Variants in AGBL4 observed in about 807,000 individuals in gnomAD.
AGBL4 encodes AGBL carboxypeptidase 4.
In AGBL4, 58 loss-of-function variants were observed where a neutral mutation model predicts 66.4. The observed-to-expected ratio is 0.87, with a 90% CI of 0.71 to 1.09. The LOEUF (loss-of-function observed/expected upper bound fraction) is 1.09, where lower values mean the gene tolerates loss of function less well. Among genes scored for constraint, AGBL4 ranks in the 50% least tolerant of loss-of-function variants. AGBL4 has a pLI of 0.00. For missense variants in AGBL4, 579 were observed against 631.0 expected (o/e 0.92, Z 0.88); for synonymous variants, 234 against 222.9 (o/e 1.05, Z -0.44).
At chr1:49,615,639 A>G (rs556860496) in intron 3 of AGBL4, among the ~76,000 whole-genome samples, 1 of 152,186 alleles carries the variant, frequency 6.6e-6, no homozygotes, top group Non-Finnish European at 1.5e-5. Context: ...TACTGAGAAA[A>G]AAAATGGATA....
rs200582254 is a variant in AGBL4 at position 49,875,128 on chromosome 1, CT to C, written c.35-23611del. Among the ~76,000 whole-genome samples, 484 of 141,388 alleles carry C rather than the reference CT, an allele frequency of 3.4e-3. 2 individuals carry two copies. The highest frequency in any genetic ancestry group is 5.5e-3 in the East Asian group (25 of 4,518). The allele number at this position is 141,388 out of a possible 152,430, so 92.8% of individuals were successfully genotyped here. The stretch of plus-strand genomic sequence containing the variant: ...TACTAAGAATGATGATTTCCAATTT[CT>C]TTTTTTTTATTATTACTATTATTAT... On this transcript the variant is annotated intron_variant, in intron 1 of 13. Coordinates refer to ENST00000371839, the MANE Select transcript of AGBL4 (RefSeq NM_032785.4).
chr1:49,046,742 A>G (rs1188801221), intron 4 of AGBL4, among the ~76,000 whole-genome samples: 1 of 152,196 alleles, frequency 6.6e-6, no homozygotes, highest in Non-Finnish European at 1.5e-5. Context: ...GGACAATTCC[A>G]GGCCAGTTCA....
intron 7 of AGBL4, among the ~76,000 whole-genome samples, chr1:48,656,765 C>A (rs1005810362): frequency 6.6e-6 from 1 of 152,126 alleles, no homozygotes; most frequent in Admixed American, 6.6e-5. Flanking sequence ...TAAGTGGGAG[C>A]TACACTTGGG....
chr1:49,435,569 C>G (rs1309860037), intron 3 of AGBL4, among the ~76,000 whole-genome samples: 1 of 152,150 alleles, frequency 6.6e-6, no homozygotes, highest in Non-Finnish European at 1.5e-5. Flanking sequence ...AGAAACATGT[C>G]AGAAGTCACA....
intron 5 of AGBL4, among the ~76,000 whole-genome samples, chr1:48,879,542 C>A (rs563578581): frequency 6.6e-6 from 1 of 152,074 alleles, no homozygotes; most frequent in African/African-American, 2.4e-5. Flanking sequence ...CCTAACTTTC[C>A]TAACATATTT....
At chr1:48,648,994 G>A (rs1645883148) in intron 8 of AGBL4, among the ~76,000 whole-genome samples, 1 of 152,182 alleles carries the variant, frequency 6.6e-6, no homozygotes, top group Admixed American at 6.5e-5. Flanking sequence ...ACTAAACACT[G>A]TTGTTTAGTT....
At chr1:49,332,770 A>G (rs1229500126) in intron 3 of AGBL4, among the ~76,000 whole-genome samples, 1 of 152,224 alleles carries the variant, frequency 6.6e-6, no homozygotes, top group Admixed American at 6.5e-5. Context: ...AACTATACAT[A>G]CGTACCTGAA....
chr1:49,023,826 C>CT (rs1663432211), intron 5 of AGBL4, among the ~76,000 whole-genome samples: 1 of 152,142 alleles, frequency 6.6e-6, no homozygotes, highest in South Asian at 2.1e-4. Flanking sequence ...TGCCTTCTTC[C>CT]TTTGCCTACC....
At chr1:49,947,979 AATATATATTTATATAT>A (rs1655429202) in intron 1 of AGBL4, among the ~76,000 whole-genome samples, 1 of 95,224 alleles carries the variant, frequency 1.1e-5, no homozygotes, top group Non-Finnish European at 1.9e-5. Flanking sequence ...TATATTTATA[AATATATATTTATATAT>A]ATAAATATAT....
intron 3 of AGBL4, among the ~76,000 whole-genome samples, chr1:49,380,105 T>A (rs1283495591): frequency 6.6e-6 from 1 of 152,170 alleles, no homozygotes; most frequent in Non-Finnish European, 1.5e-5. Flanking sequence ...GAAAACCCCA[T>A]TGGCTCAGCC....
intron 3 of AGBL4, among the ~76,000 whole-genome samples, chr1:49,562,560 T>C (rs1644077160): frequency 6.6e-6 from 1 of 152,270 alleles, no homozygotes; most frequent in Admixed American, 6.5e-5. Flanking sequence ...ATTTATTAAA[T>C]AGGGAATCCT....
chr1:49,402,192 C>A (rs1645100373), intron 3 of AGBL4, among the ~76,000 whole-genome samples: 1 of 151,948 alleles, frequency 6.6e-6, no homozygotes, highest in Non-Finnish European at 1.5e-5. Context: ...TGCTCTGATG[C>A]TTGTTATTCC....
chr1:48,595,509 A>G (rs1644981875), intron 9 of AGBL4, among the ~76,000 whole-genome samples: 1 of 152,214 alleles, frequency 6.6e-6, no homozygotes, highest in Non-Finnish European at 1.5e-5. Context: ...CAATTTGGGA[A>G]TGAGAATAGA....
intron 2 of AGBL4, among the ~76,000 whole-genome samples, chr1:49,780,847 T>C (rs78652259): frequency 0.015 from 2,336 of 152,154 alleles, 66 homozygotes; most frequent in African/African-American, 0.054. Context: ...AAAAGTGAAA[T>C]GAAAGACATA....
rs535996338 is a variant in AGBL4, at chr1:49,450,806, T to C, written c.283-204942A>G. 2.6e-5 allele frequency among the ~76,000 whole-genome samples: 4 copies of C among 152,182 alleles called. No homozygotes were observed. In the East Asian group the frequency reaches 7.7e-4, roughly 29 times the overall value. ...AATCTGCCTGATTCCAAGTTTGCTCTATAAAAAACAAATCTCCAAGTCTCA... is the reference window on the plus strand; with the variant it reads ...AATCTGCCTGATTCCAAGTTTGCTCCATAAAAAACAAATCTCCAAGTCTCA... On this transcript the variant is annotated intron_variant, in intron 3 of 13. Coordinates refer to ENST00000371839, the MANE Select transcript of AGBL4 (RefSeq NM_032785.4).
At chr1:49,106,292 T>C (rs1645291127) in intron 4 of AGBL4, among the ~76,000 whole-genome samples, 1 of 152,330 alleles carries the variant, frequency 6.6e-6, no homozygotes, top group Non-Finnish European at 1.5e-5. Context: ...CATATGCTTG[T>C]CACTCCAATC....
At chr1:49,137,022 C>T (rs909537611) in intron 4 of AGBL4, among the ~76,000 whole-genome samples, 1 of 152,112 alleles carries the variant, frequency 6.6e-6, no homozygotes, top group African/African-American at 2.4e-5. Context: ...GCAGAGAATG[C>T]TTTATGAACT....
chr1:49,392,358 C>G lies in AGBL4; in HGVS notation c.283-146494G>C, dbSNP rs1283147410. On this transcript the variant is annotated intron_variant, in intron 3 of 13. Coordinates refer to ENST00000371839, the MANE Select transcript of AGBL4 (RefSeq NM_032785.4). ...CTGGAGTATAACAGCTGGCAGAGCC[C>G]TCTAAATGGCAGCTGTGGAAAACAC... 1.2e-4 allele frequency among the ~76,000 whole-genome samples: 18 copies of G among 152,242 alleles called. No individual in the cohort carries two copies. In the East Asian group the frequency reaches 3.5e-3, roughly 30 times the overall value.
chr1:49,997,129 T>C (rs879701866), intron 1 of AGBL4, among the ~76,000 whole-genome samples: 2 of 152,064 alleles, frequency 1.3e-5, no homozygotes, highest in Non-Finnish European at 2.9e-5. Context: ...ACAGGACCTA[T>C]AATACAATAA....
Sources: gnomAD v4.1 joint callset for allele counts (sites outside exome capture counted in the v4.1 genomes callset) on GRCh38, gnomAD v4.1.1 for gene constraint, MANE v1.5 for transcripts, NCBI Gene and HGNC (gene_info 2026-07-23, HGNC 2026-07-21) for gene names.